GSDME: variants seen among roughly 807,000 people sequenced by gnomAD.
The protein encoded by GSDME is gasdermin-E.
GSDME carries 44 observed loss-of-function variants against 47.5 expected under a neutral mutation model. That is an observed-to-expected ratio of 0.93 (90% CI 0.73 to 1.19). The LOEUF (loss-of-function observed/expected upper bound fraction) is 1.19. GSDME is among the 50% of genes most tolerant of loss of function. The pLI is 0.00. For missense variants in GSDME, 663 were observed against 604.2 expected, an observed-to-expected ratio of 1.10 and a Z score of -1.02; for synonymous variants, 258 against 252.8, an observed-to-expected ratio of 1.02 and a Z score of -0.20.
intron 3 of GSDME, among the ~76,000 whole-genome samples, chr7:24,720,234 C>T (rs1384173418): frequency 3.9e-5 from 6 of 152,186 alleles, no homozygotes; most frequent in Admixed American, 3.9e-4. Flanking sequence ...TGATTTCATG[C>T]TTAGAAGCAA....
Position 24,744,984 on chromosome 7 carries a change from C to CGTGT in GSDME, c.212-234_212-231dup, listed in dbSNP as rs3038357. On this transcript the variant is annotated intron_variant, in intron 2 of 9. Transcript: ENST00000645220. The surrounding 1 kb of genome is among the most constrained non-coding windows in gnomAD (Gnocchi z 4.5). ...GGGCACACAGTGGACCAGTGCAGCA[C>CGTGT]GTGTGTGTGTGTGTGTGTGTGTGTG... 0.016 allele frequency among the ~76,000 whole-genome samples: 1,915 copies of CGTGT among 119,032 alleles called. 27 individuals are homozygous for CGTGT. Among genetic ancestry groups the CGTGT allele is most frequent in the Non-Finnish European group, 0.022 (1,230 of 56,288 alleles). 78.1% of individuals were successfully genotyped at this position (119,032 alleles called of 152,430 possible). A position where few individuals can be genotyped will look rare whatever the true frequency, so the allele number is the denominator to read the frequency against.
In GSDME at chr7:24,733,714, G is replaced by C. The variant is rs1790215390; in HGVS notation, c.404+10848C>G. 6.6e-6 allele frequency among the ~76,000 whole-genome samples: 1 copy of C among 152,172 alleles called. No homozygotes were observed. Among genetic ancestry groups the C allele is most frequent in the Non-Finnish European group, 1.5e-5 (1 of 68,022 alleles). On this transcript the variant is annotated intron_variant, in intron 3 of 9. Coordinates refer to ENST00000645220, the MANE Select transcript of GSDME (RefSeq NM_001127453.2). This position sits in a 1 kb window ranked among gnomAD's most constrained non-coding sequence, Gnocchi z 4.3. Reference sequence around the variant, plus strand: ...CTGCCTGGGGAAAGGAGAGGGAAGAGTGAAGGGACTTTGTCCTGTGATTTG... The same window carrying C: ...CTGCCTGGGGAAAGGAGAGGGAAGACTGAAGGGACTTTGTCCTGTGATTTG...
chr7:24,717,272 T>C lies in GSDME; in HGVS notation c.679A>G (p.Lys227Glu). 6.3e-7 allele frequency: 1 copy of C among 1,596,430 alleles called. No individual in the cohort carries two copies. The highest frequency in any genetic ancestry group is 1.4e-5 in the African/African-American group (1 of 72,844). ...IAYGVIELYV[K>E]LDGQFEFCLL... The stretch of plus-strand genomic sequence containing the variant: ...CACTCACCGAACTGGCCGTCCAGTT[T>C]CACGTATAACTCAATGACACCGTAG... Residue 227 changes from lysine to glutamate, a missense_variant, in exon 5 of 10, where the codon AAA becomes GAA. By Grantham distance (56) the Lys-to-Glu change is moderately conservative. Transcript: ENST00000645220.
chr7:24,718,876 T>C (rs895074577), intron 4 of GSDME, among the ~76,000 whole-genome samples, 171 bp downstream of exon 4: 2 of 152,216 alleles, frequency 1.3e-5, no homozygotes, highest in African/African-American at 4.8e-5. Flanking sequence ...CCCAAGTGTT[T>C]CAGCTACATG....
intron 1 of GSDME, among the ~76,000 whole-genome samples, chr7:24,751,834 C>G (rs1445962177): frequency 1.3e-5 from 2 of 152,188 alleles, no homozygotes; most frequent in Non-Finnish European, 2.9e-5. Flanking sequence ...ACTTAGGATA[C>G]AGAAACAAAA....
rs1294437894 is a variant in GSDME at position 24,742,741 on chromosome 7, G to A, written c.404+1821C>T. Among the ~76,000 whole-genome samples the A allele has an allele frequency of 1.3e-5, 2 of 152,144 alleles. No individual in the cohort carries two copies. Among genetic ancestry groups the A allele is most frequent in the African/African-American group, 2.4e-5 (1 of 41,444 alleles). ...ACTGAGGGAGCAGAGAAGACGCTCT[G>A]GACACCCCCCGCCTCCCTTTTCCCC... On this transcript the variant is annotated intron_variant, in intron 3 of 9. Coordinates refer to ENST00000645220, the MANE Select transcript of GSDME (RefSeq NM_001127453.2). This position sits in a 1 kb window ranked among gnomAD's most constrained non-coding sequence, Gnocchi z 4.4.
At chr7:24,737,846 C>T (rs565840161) in intron 3 of GSDME, among the ~76,000 whole-genome samples, 22 of 152,186 alleles carry the variant, frequency 1.4e-4, no homozygotes, top group African/African-American at 4.8e-4. Flanking sequence ...GCAAATCAAT[C>T]AGTGTGACAC....
Position 24,699,183 on chromosome 7 carries a change from A to T in GSDME, c.1334T>A (p.Phe445Tyr), listed in dbSNP as rs61731036. ...TLTPLKDTER[F>Y]GIVQRLFASA... ...GGCAAACAAGCGCTGCACAATCCCA[A>T]ACCTTTCTGTATCTTTCAGGGGAGT... is the stretch of plus-strand genomic sequence containing the variant. Residue 445 changes from phenylalanine (F) to tyrosine (Y), a missense_variant, in exon 10 of 10, where the codon TTT (phenylalanine) becomes TAT (tyrosine). Phe to Tyr is a conservative substitution (Grantham distance 22). Transcript: ENST00000645220. The T allele has an allele frequency of 8.9e-4, 1,442 of 1,614,164 alleles. 22 individuals are homozygous for T. In the Admixed American group the frequency reaches 0.022, roughly 24 times the overall value.
chr7:24,754,200 T>A lies in GSDME; in HGVS notation c.-20+3196A>T, dbSNP rs956763561. Among the ~76,000 whole-genome samples the A allele has an allele frequency of 7.9e-5, 12 of 152,186 alleles. 1 individual carries two copies. The highest frequency in any genetic ancestry group is 7.2e-4 in the Admixed American group (11 of 15,276). On this transcript the variant is annotated intron_variant, in intron 1 of 9. Transcript: ENST00000645220. This position sits in a 1 kb window ranked among gnomAD's most constrained non-coding sequence, Gnocchi z 5.0. ...CTCGCACAGAGCCTTAAAAGTTATA[T>A]TAGCAGCCGGGCCTGGTGGCTCATG...
chr7:24,703,219 T>C (rs1024727231), intron 8 of GSDME: 2 of 341,070 alleles, frequency 5.9e-6, no homozygotes, highest in Non-Finnish European at 1.1e-5. Flanking sequence ...TACACCTCTC[T>C]CAGCCTCAGT....
rs1228378939 is a variant in GSDME, at chr7:24,728,038, C to T, written c.405-8820G>A. ...GGGGGGCTGTAACGGGAGGAAGAGACAGGGTGCACCCAGCCCTGCCAATGA... is the reference window on the plus strand; with the variant it reads ...GGGGGGCTGTAACGGGAGGAAGAGATAGGGTGCACCCAGCCCTGCCAATGA... On this transcript the variant is annotated intron_variant, in intron 3 of 9. Transcript: ENST00000645220. This position sits in a 1 kb window ranked among gnomAD's most constrained non-coding sequence, Gnocchi z 7.2. 6.6e-6 allele frequency among the ~76,000 whole-genome samples: 1 copy of T among 152,208 alleles called. No individual in the cohort carries two copies. Among genetic ancestry groups the T allele is most frequent in the Non-Finnish European group, 1.5e-5 (1 of 68,032 alleles).
At chr7:24,749,205 TA>T in intron 2 of GSDME, among the ~76,000 whole-genome samples, 1 of 151,754 alleles carries the variant, frequency 6.6e-6, no homozygotes, top group Non-Finnish European at 1.5e-5. Context: ...ATACTTGCAT[TA>T]AAGAAGAATC....
chr7:24,761,984 T>C (rs1415926428), upstream of GSDME, among the ~76,000 whole-genome samples: 1 of 152,094 alleles, frequency 6.6e-6, no homozygotes, highest in Non-Finnish European at 1.5e-5. This position sits in a 1 kb window ranked among gnomAD's most constrained non-coding sequence, Gnocchi z 4.4. Context: ...ATAGGCGCAG[T>C]GGCTTCTGTC....
At chr7:24,706,842 ACC>A (rs1554322962) in intron 7 of GSDME, among the ~76,000 whole-genome samples, 11 of 140,798 alleles carry the variant, frequency 7.8e-5, no homozygotes, top group Non-Finnish European at 1.8e-4. Context: ...GCCAGTTCGG[ACC>A]ACCCCGCCAA....
At chr7:24,775,187 T>C in the GSDME span, among the ~76,000 whole-genome samples, 26 of 152,298 alleles carry the variant, frequency 1.7e-4, 1 homozygote, top group Admixed American at 1.1e-3. Flanking sequence ...CAAAATATTA[T>C]ATGGACACAT....
chr7:24,716,832 G>A lies in GSDME; in HGVS notation c.697+422C>T, dbSNP rs991111003. On this transcript the variant is annotated intron_variant, in intron 5 of 9. Transcript: ENST00000645220. The surrounding 1 kb of genome is among the most constrained non-coding windows in gnomAD (Gnocchi z 4.5). Reference sequence around the variant, plus strand: ...TCTCATTAAATCTTCACACAGCCCTGTGAAGAAATGCCCTTCACCTTCCAG... The same window carrying A: ...TCTCATTAAATCTTCACACAGCCCTATGAAGAAATGCCCTTCACCTTCCAG... 1 of 280,642 alleles carries A rather than the reference G, an allele frequency of 3.6e-6. No individual in the cohort carries two copies. Among genetic ancestry groups the A allele is most frequent in the Non-Finnish European group, 7.1e-6 (1 of 141,650 alleles). 17.4% of individuals were successfully genotyped at this position (280,642 alleles called of 1,614,324 possible).
At position 24,716,634 on chromosome 7, in the gene GSDME, G is replaced by T. The variant is rs927117902; in HGVS notation, c.697+620C>A. On this transcript the variant is annotated intron_variant, in intron 5 of 9. Transcript: ENST00000645220. The surrounding 1 kb of genome is among the most constrained non-coding windows in gnomAD (Gnocchi z 4.5). The stretch of plus-strand genomic sequence containing the variant: ...TGGATTTTCTTCCGTGACAACAGCT[G>T]GGTCTCTGCGCTTTGAACACACTCG... 12 of 157,506 alleles carry T rather than the reference G, an allele frequency of 7.6e-5. No homozygotes were observed. Among genetic ancestry groups the T allele is most frequent in the African/African-American group, 2.9e-4 (12 of 41,478 alleles). The allele number at this position is 157,506 out of a possible 1,614,324, so 9.8% of individuals were successfully genotyped here. A position where few individuals can be genotyped will look rare whatever the true frequency, so the allele number is the denominator to read the frequency against.
intron 9 of GSDME, among the ~76,000 whole-genome samples, chr7:24,700,987 A>G (rs1788841651): frequency 6.6e-6 from 1 of 152,212 alleles, no homozygotes; most frequent in Admixed American, 6.5e-5. Context: ...AGTGAAGTTA[A>G]CATTCTCTAC....
At chr7:24,708,388 GA>G in intron 6 of GSDME, 134 bp from the exon 7 acceptor site, 1 of 1,103,916 alleles carries the variant, frequency 9.1e-7, no homozygotes, top group South Asian at 1.4e-5. Flanking sequence ...GTCAGTCATG[GA>G]ACTCAGAAAT....
Sources: gnomAD v4.1 joint callset for allele counts (sites outside exome capture counted in the v4.1 genomes callset) on GRCh38, gnomAD v4.1.1 for gene constraint, Gnocchi (gnomAD v3.1) non-coding constraint, MANE v1.5 for transcripts, NCBI Gene and HGNC (gene_info 2026-07-23, HGNC 2026-07-21) for gene names.